Variants in TRHDE observed in about 807,000 individuals in gnomAD.
TRHDE encodes the protein thyrotropin releasing hormone degrading enzyme, also known as thyrotropin-releasing hormone-degrading ectoenzyme.
Under a neutral mutation model 125.7 loss-of-function variants are expected in TRHDE, and 72 were observed. The ratio of observed to expected loss-of-function variants is 0.57; its 90% CI spans 0.47 to 0.70. The LOEUF (loss-of-function observed/expected upper bound fraction) is 0.70. Among genes scored for constraint, TRHDE ranks in the 30% least tolerant of loss-of-function variants. The pLI is 0.00. For synonymous variants in TRHDE, 509 were observed against 509.1 expected (o/e 1.00, Z 0.00); for missense variants, 1,110 against 1,327.1 (o/e 0.84, Z 2.54).
chr12:72,619,106 T>G, intron 13 of TRHDE, 68 bp downstream of exon 13: 1 of 1,195,228 alleles, frequency 8.4e-7, no homozygotes. Flanking sequence ...TCTACTATTA[T>G]ATATGCAACT....
intron 2 of TRHDE, among the ~76,000 whole-genome samples, chr12:72,198,537 C>T (rs1384149154): frequency 6.6e-6 from 1 of 152,028 alleles, no homozygotes; most frequent in Non-Finnish European, 1.5e-5. Flanking sequence ...GCTTTTTTAA[C>T]TCATGGTTCA....
chr12:72,501,488 TATA>T (rs1232006885), intron 6 of TRHDE, among the ~76,000 whole-genome samples: 2 of 152,084 alleles, frequency 1.3e-5, no homozygotes, highest in Non-Finnish European at 2.9e-5. Context: ...TATGGTGAAT[TATA>T]ATGATTAATT....
At chr12:72,364,746 C>T (rs1008104586) in intron 2 of TRHDE, among the ~76,000 whole-genome samples, 4 of 152,008 alleles carry the variant, frequency 2.6e-5, no homozygotes, top group African/African-American at 9.7e-5. Flanking sequence ...GTGAGGTCAG[C>T]AGGCAGCTGG....
intron 2 of TRHDE, among the ~76,000 whole-genome samples, chr12:72,375,157 A>G (rs1246659931): frequency 1.3e-5 from 2 of 152,130 alleles, no homozygotes; most frequent in African/African-American, 4.8e-5. Flanking sequence ...AAGGGAGGGT[A>G]CATTGTTATA....
chr12:72,649,878 A>G (rs1874435710), intron 15 of TRHDE, among the ~76,000 whole-genome samples: 1 of 152,112 alleles, frequency 6.6e-6, no homozygotes, highest in Non-Finnish European at 1.5e-5. Context: ...AACAAAACAC[A>G]GCAAATGTTG....
At chr12:72,375,965 G>T (rs1214349861) in intron 2 of TRHDE, among the ~76,000 whole-genome samples, 1 of 152,170 alleles carries the variant, frequency 6.6e-6, no homozygotes, top group Non-Finnish European at 1.5e-5. Context: ...ACGTCTTCTA[G>T]CTTCCACTGC....
chr12:72,387,227 T>A (rs991667184), intron 3 of TRHDE, among the ~76,000 whole-genome samples: 2 of 152,210 alleles, frequency 1.3e-5, no homozygotes, highest in African/African-American at 4.8e-5. Flanking sequence ...CATTTGGATA[T>A]AAAATCTTGG....
At chr12:72,398,241 C>T (rs1433462677) in intron 3 of TRHDE, among the ~76,000 whole-genome samples, 2 of 151,916 alleles carry the variant, frequency 1.3e-5, no homozygotes, top group African/African-American at 2.4e-5. Flanking sequence ...CATTGTTGGA[C>T]ATTTGGATTG....
intron 6 of TRHDE, among the ~76,000 whole-genome samples, chr12:72,506,633 A>T (rs914022712): frequency 1.5e-4 from 23 of 152,150 alleles, no homozygotes; most frequent in African/African-American, 5.6e-4. Context: ...AGATATATCT[A>T]AATTTGAATC....
chr12:72,536,737 C>T (rs2135981682), intron 6 of TRHDE, among the ~76,000 whole-genome samples: 1 of 152,162 alleles, frequency 6.6e-6, no homozygotes, highest in Non-Finnish European at 1.5e-5. Context: ...CTTACTGAAC[C>T]TGCCATAAAG....
rs748910207 is a variant in TRHDE at position 72,481,375 on chromosome 12, T to TA, written c.1584+8208dup. Among the ~76,000 whole-genome samples, 848 of 141,060 alleles carry TA rather than the reference T, an allele frequency of 6.0e-3. 7 individuals are homozygous for TA. The highest frequency in any genetic ancestry group is 0.012 in the African/African-American group (458 of 38,908). The allele number at this position is 141,060 out of a possible 152,430, so 92.5% of individuals were successfully genotyped here. On this transcript the variant is annotated intron_variant, in intron 5 of 18. Coordinates refer to ENST00000261180, the MANE Select transcript of TRHDE (RefSeq NM_013381.3). Reference sequence around the variant, plus strand: ...AAAGAGCCTCCTGTGAAGAGAAAGTTAAAAAAAAAAAAAGGATAATTTGAG... The same window carrying TA: ...AAAGAGCCTCCTGTGAAGAGAAAGTTAAAAAAAAAAAAAAGGATAATTTGAG...
chr12:72,458,023 A>G (rs1449523529), intron 3 of TRHDE, among the ~76,000 whole-genome samples: 3 of 152,176 alleles, frequency 2.0e-5, no homozygotes, highest in East Asian at 3.9e-4. Flanking sequence ...CCTGAGTTCC[A>G]TGCTGTGGGA....
At chr12:72,194,881 A>G (rs192984873) in intron 2 of TRHDE, among the ~76,000 whole-genome samples, 13 of 152,248 alleles carry the variant, frequency 8.5e-5, no homozygotes, top group African/African-American at 3.1e-4. Flanking sequence ...TTTTGGATAC[A>G]TACCCAGTAA....
At chr12:72,415,641 A>G (rs1036957021) in intron 3 of TRHDE, among the ~76,000 whole-genome samples, 1 of 150,052 alleles carries the variant, frequency 6.7e-6, no homozygotes, top group African/African-American at 2.5e-5. Flanking sequence ...AACATGCACT[A>G]TTTGTCTTCC....
chr12:72,459,402 ATAACT>A (rs1876019292), intron 3 of TRHDE, among the ~76,000 whole-genome samples: 1 of 152,176 alleles, frequency 6.6e-6, no homozygotes, highest in Non-Finnish European at 1.5e-5. Context: ...ACAGTTATTA[ATAACT>A]TAACACTTGC....
At chr12:72,624,322 A>C (rs1296766853) in intron 15 of TRHDE, among the ~76,000 whole-genome samples, 1 of 151,978 alleles carries the variant, frequency 6.6e-6, no homozygotes, top group Non-Finnish European at 1.5e-5. Context: ...GTTTAACTGA[A>C]GCCTTAAATA....
At chr12:72,560,603 C>G (rs1472243260) in intron 7 of TRHDE, 1 of 152,074 alleles carries the variant, frequency 6.6e-6, no homozygotes, top group Non-Finnish European at 1.5e-5. Context: ...GGGAGACTAG[C>G]TCGAGCCCAG....
chr12:72,561,966 A>C (rs1345234178), intron 7 of TRHDE, among the ~76,000 whole-genome samples, 199 bp from the exon 8 acceptor site: 3 of 152,140 alleles, frequency 2.0e-5, no homozygotes, highest in African/African-American at 7.2e-5. Flanking sequence ...TAAGAGATTA[A>C]TATTGTTCGA....
chr12:72,394,578 T>C (rs2135794783), intron 3 of TRHDE, among the ~76,000 whole-genome samples: 1 of 152,304 alleles, frequency 6.6e-6, no homozygotes, highest in South Asian at 2.1e-4. Flanking sequence ...AACTCCCCTA[T>C]GCAAATCCCC....
Sources: gnomAD v4.1 joint callset for allele counts (sites outside exome capture counted in the v4.1 genomes callset) on GRCh38, gnomAD v4.1.1 for gene constraint, MANE v1.5 for transcripts, NCBI Gene and HGNC (gene_info 2026-07-23, HGNC 2026-07-21) for gene names.